CYP7B1: variants seen among roughly 807,000 people sequenced by gnomAD.
CYP7B1 encodes the protein cytochrome P450 family 7 subfamily B member 1, also known as cytochrome P450 7B1.
CYP7B1 carries 29 observed loss-of-function variants against 42.7 expected under a neutral mutation model. The observed-to-expected ratio is 0.68, with a 90% CI of 0.51 to 0.93. CYP7B1 has a LOEUF of 0.93. Among genes scored for constraint, CYP7B1 ranks in the 40% least tolerant of loss-of-function variants. The pLI, the probability that CYP7B1 is intolerant of heterozygous loss-of-function variation, is 0.00. For synonymous variants in CYP7B1, 235 were observed against 218.2 expected (o/e 1.08, Z -0.68); for missense variants, 655 against 600.5 (o/e 1.09, Z -0.95).
In CYP7B1 at chr8:64,616,272, A is replaced by T; in HGVS notation, c.269T>A (p.Ile90Lys). The T allele has an allele frequency of 6.3e-7, 1 of 1,580,590 alleles. No homozygotes were observed. ...TFTVLLGGKY[I>K]TFILDPFQYQ... ...CTGGAAGGGGTCCAGGATAAATGTTATGTACTTTCCTAGAAAAAAAAAAAG... is the reference window on the plus strand; with the variant it reads ...CTGGAAGGGGTCCAGGATAAATGTTTTGTACTTTCCTAGAAAAAAAAAAAG... Residue 90 changes from isoleucine (I) to lysine (K), a missense_variant, in exon 3 of 6, where the codon ATA becomes AAA. Ile to Lys is a moderately radical substitution (Grantham distance 102). Coordinates refer to ENST00000310193, the MANE Select transcript of CYP7B1 (RefSeq NM_004820.5).
At chr8:64,598,257 A>G (rs1483729225) in intron 5 of CYP7B1, among the ~76,000 whole-genome samples, 2 of 152,190 alleles carry the variant, frequency 1.3e-5, no homozygotes, top group Non-Finnish European at 2.9e-5. Context: ...TAGTTCTGGG[A>G]TGTATCCAAA....
rs540755224 is a variant in CYP7B1 at position 64,654,841 on chromosome 8, A to G, written c.123-30302T>C. ...AAAGAGGCACATAGACCAATGGGAC[A>G]GAATAGAGAGTCTAGAAATAAGGCC... On this transcript the variant is annotated intron_variant, in intron 1 of 5. Coordinates refer to ENST00000310193, the MANE Select transcript of CYP7B1 (RefSeq NM_004820.5). Among the ~76,000 whole-genome samples the G allele has an allele frequency of 3.3e-5, 5 of 152,330 alleles. No individual in the cohort carries two copies. In the East Asian group the frequency reaches 9.6e-4, roughly 29 times the overall value.
chr8:64,624,640 G>T (rs1017498432), intron 1 of CYP7B1, 101 bp from the exon 2 acceptor site: 38 of 1,297,894 alleles, frequency 2.9e-5, no homozygotes, highest in Non-Finnish European at 3.5e-5. Flanking sequence ...GTGACTGCAT[G>T]GATTGCACTG....
chr8:64,729,563 AAATT>A (rs1807377833), intron 1 of CYP7B1, among the ~76,000 whole-genome samples: 1 of 152,226 alleles, frequency 6.6e-6, no homozygotes, highest in Non-Finnish European at 1.5e-5. Context: ...GAGAAATAAA[AAATT>A]AATATAACTA....
At chr8:64,625,118 C>G (rs538098454) in intron 1 of CYP7B1, among the ~76,000 whole-genome samples, 1 of 151,748 alleles carries the variant, frequency 6.6e-6, no homozygotes, top group African/African-American at 2.4e-5. Flanking sequence ...GGACTACAGG[C>G]GCCTGCCACC....
At chr8:64,589,816 C>T (rs73689548), downstream of CYP7B1, 186 of 152,280 alleles carry the variant, frequency 1.2e-3, no homozygotes, top group African/African-American at 4.2e-3. Flanking sequence ...TATTTCCATT[C>T]CTCTAGTTTC....
At chr8:64,739,328 G>A (rs774919068) in intron 1 of CYP7B1, among the ~76,000 whole-genome samples, 19 of 152,292 alleles carry the variant, frequency 1.2e-4, no homozygotes, top group Non-Finnish European at 1.9e-4. Flanking sequence ...TGGTATAATG[G>A]TAGTTTACTG....
intron 1 of CYP7B1, among the ~76,000 whole-genome samples, chr8:64,755,269 T>C (rs1273740286): frequency 6.6e-6 from 1 of 152,188 alleles, no homozygotes; most frequent in Non-Finnish European, 1.5e-5. Context: ...AAGTGCTTCA[T>C]ATGATTAGTG....
chr8:64,737,900 T>A (rs1807513374), intron 1 of CYP7B1, among the ~76,000 whole-genome samples: 1 of 152,250 alleles, frequency 6.6e-6, no homozygotes, highest in African/African-American at 2.4e-5. Context: ...TATGTTCTAC[T>A]TATTTGGTGA....
chr8:64,692,422 C>T (rs372998592), intron 1 of CYP7B1, among the ~76,000 whole-genome samples: 6 of 152,272 alleles, frequency 3.9e-5, no homozygotes, highest in East Asian at 1.9e-4. Flanking sequence ...AGATGGAGCC[C>T]GGTCTGAGAG....
In CYP7B1 at chr8:64,615,882, T is replaced by C. The variant is rs1310184182; in HGVS notation, c.659A>G (p.Asp220Gly). The C allele has an allele frequency of 6.2e-7, 1 of 1,613,706 alleles. No individual in the cohort carries two copies. The highest frequency in any genetic ancestry group is 1.7e-4 in the Middle Eastern group (1 of 6,058). The change falls in exon 3 of 6, where the codon GAT becomes GGT. Residue 220 changes from aspartate to glycine, a missense_variant. Asp to Gly is a moderately conservative substitution (Grantham distance 94, BLOSUM62 -1). Coordinates refer to ENST00000310193, the MANE Select transcript of CYP7B1 (RefSeq NM_004820.5). Reference protein sequence around the residue: ...SELRDDFLKFDDKFAYLVSNI... With the variant: ...SELRDDFLKFGDKFAYLVSNI... Reference sequence around the variant, plus strand: ...GGATACTAAATATGCAAACTTGTCATCAAATTTTAAAAAATCATCTCTTAG... The same window carrying C: ...GGATACTAAATATGCAAACTTGTCACCAAATTTTAAAAAATCATCTCTTAG...
intron 1 of CYP7B1, among the ~76,000 whole-genome samples, chr8:64,677,711 T>G (rs1806471169): frequency 6.8e-6 from 1 of 147,722 alleles, no homozygotes; most frequent in East Asian, 2.0e-4. Context: ...CCTTGGTTTT[T>G]TTTTTTTTTT....
intron 1 of CYP7B1, among the ~76,000 whole-genome samples, chr8:64,684,912 T>C (rs1806596483): frequency 6.6e-6 from 1 of 152,186 alleles, no homozygotes; most frequent in African/African-American, 2.4e-5. Flanking sequence ...ATGGCTCTTA[T>C]CAATAACCCA....
At position 64,596,714 on chromosome 8, in the gene CYP7B1, G is replaced by A; in HGVS notation, c.1449C>T (p.Asn483=). ...GAATACCAAACAACAAGCGGCTGTA[G>A]TTTAGTCCTATGGGCTTATCATCAA... The part of the protein sequence containing the change: ...EIIDDKPIGL[N]YSRLLFGIQY... The change falls in exon 6 of 6, where the codon AAC becomes AAT. Residue 483 remains asparagine, a synonymous_variant. Transcript: ENST00000310193. 6.2e-7 allele frequency: 1 copy of A among 1,613,802 alleles called. No individual in the cohort carries two copies.
At position 64,667,778 on chromosome 8, in the gene CYP7B1, G is replaced by C. The variant is rs370832375; in HGVS notation, c.123-43239C>G. Among the ~76,000 whole-genome samples the C allele has an allele frequency of 8.5e-5, 13 of 152,084 alleles. No individual in the cohort carries two copies. The East Asian group carries it at 2.5e-3, about 29-fold the overall frequency. On this transcript the variant is annotated intron_variant, in intron 1 of 5. Transcript: ENST00000310193. ...TGAAGCAGGATGGGAAAGAAACAAA[G>C]GTCTAGTCTTCTTTTTTTCTTTTTA...
rs758834707 is a variant in CYP7B1, at chr8:64,591,919, G to A, written c.*4723C>T. 1.9e-4 allele frequency among the ~76,000 whole-genome samples: 29 copies of A among 152,156 alleles called. No individual in the cohort carries two copies. The highest frequency in any genetic ancestry group is 3.7e-4 in the Non-Finnish European group (25 of 68,042). ...ATGAAAAGATGGGGGCGGGCACGGTGGCTCATGTCTGCAACCCCAGCACTT... is the reference window on the plus strand; with the variant it reads ...ATGAAAAGATGGGGGCGGGCACGGTAGCTCATGTCTGCAACCCCAGCACTT... On this transcript the variant is annotated 3_prime_UTR_variant, in exon 6 of 6. Transcript: ENST00000310193.
intron 1 of CYP7B1, among the ~76,000 whole-genome samples, chr8:64,674,849 C>A (rs1464077378): frequency 6.6e-6 from 1 of 152,074 alleles, no homozygotes; most frequent in Non-Finnish European, 1.5e-5. Flanking sequence ...GTAACTATCA[C>A]AAAATATCCT....
rs760486227 is a variant in CYP7B1, at chr8:64,615,143, C to T, written c.940G>A (p.Ala314Thr). The T allele has an allele frequency of 6.2e-7, 1 of 1,613,710 alleles. No individual in the cohort carries two copies. Among genetic ancestry groups the T allele is most frequent in the South Asian group, 1.1e-5 (1 of 91,068 alleles). ...ATTTCGTCACGCACTGCTGCCATAGCTTCTGGGTGCCGCAGAAGATAATAC... is the reference window on the plus strand; with the variant it reads ...ATTTCGTCACGCACTGCTGCCATAGTTTCTGGGTGCCGCAGAAGATAATAC... ...AMYYLLRHPE[A>T]MAAVRDEIDR... The change falls in exon 4 of 6, where the codon GCT becomes ACT. Residue 314 changes from alanine (A) to threonine (T), a missense_variant. By Grantham distance (58) the Ala-to-Thr change is moderately conservative (BLOSUM62 0). Coordinates refer to ENST00000310193, the MANE Select transcript of CYP7B1 (RefSeq NM_004820.5).
chr8:64,769,409 C>T (rs1804178499), intron 1 of CYP7B1, among the ~76,000 whole-genome samples: 1 of 152,046 alleles, frequency 6.6e-6, no homozygotes, highest in African/African-American at 2.4e-5. Context: ...TTTGTGCTAA[C>T]AATGTTAGAA....
Sources: allele counts gnomAD v4.1 joint callset (sites outside exome capture counted in the v4.1 genomes callset), GRCh38; gene constraint gnomAD v4.1.1; transcripts MANE v1.5; gene names NCBI Gene and HGNC (gene_info 2026-07-23, HGNC 2026-07-21).